The following PDHX variants were observed in gnomAD, a reference collection of about 807,000 sequenced individuals.
The protein encoded by PDHX is pyruvate dehydrogenase complex component X.
A neutral mutation model predicts 55.3 loss-of-function variants in PDHX; 33 were observed. The observed-to-expected ratio is 0.60, with a 90% CI of 0.45 to 0.80. The LOEUF (loss-of-function observed/expected upper bound fraction) is 0.80, where lower values mean the gene tolerates loss of function less well. Ranked by LOEUF, PDHX falls within the 30% of genes least tolerant of loss-of-function variation. PDHX has a pLI of 0.00. For synonymous variants in PDHX, 226 were observed against 219.4 expected (o/e 1.03, Z -0.27); for missense variants, 622 against 619.9 (o/e 1.00, Z -0.04).
At chr11:34,989,961 C>G (rs1162958014) in intron 9 of PDHX, among the ~76,000 whole-genome samples, 2 of 152,074 alleles carry the variant, frequency 1.3e-5, no homozygotes, top group Admixed American at 6.6e-5. Flanking sequence ...ATTAATTTTT[C>G]AAGAGTTTGT....
chr11:34,978,397 T>C (rs893345292), intron 8 of PDHX, among the ~76,000 whole-genome samples: 13 of 152,166 alleles, frequency 8.5e-5, no homozygotes, highest in Non-Finnish European at 1.9e-4. Context: ...AAACCATTTA[T>C]TCTAGGCATT....
intron 3 of PDHX, among the ~76,000 whole-genome samples, chr11:34,951,630 C>T (rs985395410): frequency 2.0e-5 from 3 of 152,098 alleles, no homozygotes; most frequent in Non-Finnish European, 2.9e-5. Flanking sequence ...CGGAAATTTT[C>T]TCCCATTTTA....
chr11:34,939,408 C>T (rs1041297291), intron 2 of PDHX, among the ~76,000 whole-genome samples: 2 of 152,108 alleles, frequency 1.3e-5, no homozygotes, highest in African/African-American at 2.4e-5. Context: ...GCAGTTCAGT[C>T]TTAAAAACCA....
Position 34,970,195 on chromosome 11 carries a change from A to G in PDHX, c.873A>G (p.Leu291=). 6.2e-7 allele frequency: 1 copy of G among 1,612,544 alleles called. No homozygotes were observed. The highest frequency in any genetic ancestry group is 8.5e-7 in the Non-Finnish European group (1 of 1,178,532). ...SNIRRVIAKR[L]TESKSTVPHA... The stretch of plus-strand genomic sequence containing the variant: ...TTCGAAGAGTTATTGCCAAGAGATT[A>G]ACTGAATCTAAAAGTACTGTACCTC... The change falls in exon 7 of 11, where the codon TTA becomes TTG. Residue 291 remains leucine (L), a synonymous_variant. Transcript: ENST00000227868.
At chr11:34,935,726 C>T (rs7945013) in intron 2 of PDHX, among the ~76,000 whole-genome samples, 28,799 of 152,072 alleles carry the variant, frequency 0.19, 3,898 homozygotes, top group African/African-American at 0.39. Context: ...CCCCCACAGC[C>T]ATTATTATGC....
In PDHX at chr11:34,917,427, G is replaced by C. The variant is rs548027091; in HGVS notation, c.160+612G>C. On this transcript the variant is annotated intron_variant, in intron 1 of 10. Coordinates refer to ENST00000227868, the MANE Select transcript of PDHX (RefSeq NM_003477.3). ...TAAATCATACCAAAAATTTATTATA[G>C]AAAATTGTTGTTTAGTAATGATATT... is the stretch of plus-strand genomic sequence containing the variant. Among the ~76,000 whole-genome samples, 16 of 152,304 alleles carry C rather than the reference G, an allele frequency of 1.1e-4. No homozygotes were observed. The East Asian group carries it at 2.7e-3, about 26-fold the overall frequency.
intron 2 of PDHX, among the ~76,000 whole-genome samples, chr11:34,935,730 A>G (rs999941228): frequency 9.9e-5 from 15 of 152,186 alleles, no homozygotes; most frequent in African/African-American, 2.9e-4. Context: ...CACAGCCATT[A>G]TTATGCGTCA....
chr11:34,954,494 C>T (rs1178226529), intron 3 of PDHX, among the ~76,000 whole-genome samples: 2 of 152,210 alleles, frequency 1.3e-5, no homozygotes, highest in East Asian at 1.9e-4. Context: ...AGAATTCAGC[C>T]TCTGTCTGAG....
intron 7 of PDHX, chr11:34,977,661 ATGT>A (rs1855408552): frequency 9.9e-5 from 39 of 394,280 alleles, no homozygotes; most frequent in South Asian, 7.6e-4. Flanking sequence ...AAGTACCTAC[ATGT>A]ATCACTGTTC....
In PDHX at chr11:34,993,271, A is replaced by G. The variant is rs895831267; in HGVS notation, c.1247+892A>G. ...ACTTGCCTTTGGGACTCTCTCGGTG[A>G]TTTTTTTAAATGAACGGAAGTTCTG... On this transcript the variant is annotated intron_variant, in intron 10 of 10. Coordinates refer to ENST00000227868, the MANE Select transcript of PDHX (RefSeq NM_003477.3). Among the ~76,000 whole-genome samples the G allele has an allele frequency of 4.6e-5, 7 of 152,040 alleles. No individual in the cohort carries two copies. In the South Asian group the frequency reaches 1.5e-3, roughly 32 times the overall value.
chr11:34,980,352 C>CTTTTTTTTTTTTTTTTTTTTTTTT lies in PDHX; in HGVS notation c.1023+2184_1023+2185insTTTTTTTTTTTTTTTTTTTTTTTT, dbSNP rs57927359. Among the ~76,000 whole-genome samples the CTTTTTTTTTTTTTTTTTTTTTTTT allele has an allele frequency of 6.9e-4, 52 of 74,856 alleles. 18 individuals carry two copies. The highest frequency in any genetic ancestry group is 9.8e-4 in the Non-Finnish European group (38 of 38,672). 49.1% of individuals were successfully genotyped at this position (74,856 alleles called of 152,430 possible). A position where few individuals can be genotyped will look rare whatever the true frequency, so the allele number is the denominator to read the frequency against. On this transcript the variant is annotated intron_variant, in intron 8 of 10. Coordinates refer to ENST00000227868, the MANE Select transcript of PDHX (RefSeq NM_003477.3). ...TTTTTAATAAGGTTTAAGATAGTTT[C>CTTTTTTTTTTTTTTTTTTTTTTTT]TTTTTTTTTTTTTTGAGCAGCAGCA...
At chr11:34,962,899 C>T (rs1266848130) in intron 5 of PDHX, among the ~76,000 whole-genome samples, 1 of 152,086 alleles carries the variant, frequency 6.6e-6, no homozygotes, top group Non-Finnish European at 1.5e-5. Context: ...ATGGTATTAT[C>T]TCCTGAATAC....
chr11:34,936,363 C>CA (rs1854310055), intron 2 of PDHX, among the ~76,000 whole-genome samples: 1 of 151,864 alleles, frequency 6.6e-6, no homozygotes. Context: ...CCCATAATGA[C>CA]TAACATCGTA....
At chr11:34,919,519 T>G (rs1454530838) in intron 1 of PDHX, among the ~76,000 whole-genome samples, 1 of 152,220 alleles carries the variant, frequency 6.6e-6, no homozygotes, top group Non-Finnish European at 1.5e-5. Context: ...TCTTAGCACT[T>G]TCTAGAATTT....
Position 34,931,417 on chromosome 11 carries a change from G to T in PDHX, c.174G>T (p.Lys58Asn). The T allele has an allele frequency of 6.3e-7, 1 of 1,596,010 alleles. No homozygotes were observed. Among genetic ancestry groups the T allele is most frequent in the Non-Finnish European group, 8.6e-7 (1 of 1,164,708 alleles). ...STQWLRGDPI[K>N]ILMPSLSPTM... is the part of the protein sequence containing the mutation. ...TTTCAATTTCAGGTGATCCCATTAA[G>T]ATACTAATGCCATCACTGTCTCCTA... is the stretch of plus-strand genomic sequence containing the variant. Residue 58 changes from lysine (K) to asparagine (N), a missense_variant, in exon 2 of 11, where the codon AAG (lysine) becomes AAT (asparagine). Lys to Asn is a moderately conservative substitution (Grantham distance 94). Transcript: ENST00000227868.
intron 1 of PDHX, among the ~76,000 whole-genome samples, chr11:34,917,114 A>G (rs1001085537): frequency 6.6e-6 from 1 of 152,156 alleles, no homozygotes; most frequent in African/African-American, 2.4e-5. Context: ...CTCCTCCCTC[A>G]GCCCCCTTTC....
chr11:34,915,939 G>C (rs3763930), upstream of PDHX: 74,936 of 525,116 alleles, frequency 0.14, 7,222 homozygotes, highest in African/African-American at 0.39. Flanking sequence ...TAAATACCCG[G>C]TGAGGTCACC....
At chr11:34,953,066 A>G (rs941217144) in intron 3 of PDHX, among the ~76,000 whole-genome samples, 2 of 152,090 alleles carry the variant, frequency 1.3e-5, no homozygotes, top group East Asian at 1.9e-4. Context: ...CAGAGAGCCA[A>G]ATCATGAGTG....
At chr11:34,993,714 T>C (rs1251812435) in intron 10 of PDHX, among the ~76,000 whole-genome samples, 1 of 152,174 alleles carries the variant, frequency 6.6e-6, no homozygotes, top group Non-Finnish European at 1.5e-5. Context: ...ACCCTCAAGA[T>C]TGTCTTCTGG....
Sources: allele counts gnomAD v4.1 joint callset (sites outside exome capture counted in the v4.1 genomes callset), GRCh38; gene constraint gnomAD v4.1.1; transcripts MANE v1.5; gene names NCBI Gene and HGNC (gene_info 2026-07-23, HGNC 2026-07-21).